Variants in ABCC11 observed in about 807,000 individuals in gnomAD.
ABCC11 encodes the protein ATP-binding cassette sub-family C member 11.
A neutral mutation model predicts 149.3 loss-of-function variants in ABCC11; 135 were observed. That is an observed-to-expected ratio of 0.90 (90% CI 0.79 to 1.04). The LOEUF (loss-of-function observed/expected upper bound fraction) is 1.04, where lower values mean the gene tolerates loss of function less well. ABCC11 is among the 50% of genes least tolerant of loss of function. ABCC11 has a pLI of 0.00. For missense variants in ABCC11, 1,680 were observed against 1,722.1 expected (o/e 0.98, Z 0.43); for synonymous variants, 665 against 671.4 (o/e 0.99, Z 0.15).
At chr16:48,168,157 G>A (rs1436891346) in intron 28 of ABCC11, among the ~76,000 whole-genome samples, 1 of 151,206 alleles carries the variant, frequency 6.6e-6, no homozygotes, top group Non-Finnish European at 1.5e-5. Flanking sequence ...CACTGCTTGG[G>A]ATGAGGCTGT....
intron 27 of ABCC11, 149 bp from the exon 28 acceptor site, chr16:48,170,367 T>G (rs1001174810): frequency 4.4e-6 from 3 of 675,532 alleles, no homozygotes. Context: ...AACTGCGCCT[T>G]GCTCACTCTC....
intron 1 of ABCC11, among the ~76,000 whole-genome samples, chr16:48,240,855 C>T (rs1360775697): frequency 6.6e-6 from 1 of 151,854 alleles, no homozygotes; most frequent in Non-Finnish European, 1.5e-5. Context: ...TGGCAGATAC[C>T]ACCTTCACCA....
chr16:48,195,500 T>C (rs1218019419), intron 18 of ABCC11, among the ~76,000 whole-genome samples: 1 of 152,188 alleles, frequency 6.6e-6, no homozygotes, highest in Non-Finnish European at 1.5e-5. Context: ...CAGCTTCCAA[T>C]GTAAACGATG....
chr16:48,174,422 G>T (rs1466842590), intron 26 of ABCC11, among the ~76,000 whole-genome samples: 1 of 152,196 alleles, frequency 6.6e-6, no homozygotes, highest in Non-Finnish European at 1.5e-5. Flanking sequence ...GGGGGACCTA[G>T]CCTGCTTTTT....
intron 11 of ABCC11, chr16:48,209,904 TAAG>T (rs896350887): frequency 9.9e-5 from 15 of 152,266 alleles, no homozygotes; most frequent in African/African-American, 3.6e-4. Flanking sequence ...AGAAGGCTCA[TAAG>T]AAGGCGAAAG....
In ABCC11 at chr16:48,210,941, AG is replaced by A; in HGVS notation, c.1608+6del. 1 of 1,613,348 alleles carries A rather than the reference AG, an allele frequency of 6.2e-7. No individual in the cohort carries two copies. The stretch of plus-strand genomic sequence containing the variant: ...CTGGCCTGCCTGCGTGGCCTGAACA[AG>A]GCTACCTTGGACACCACCAGGTTGA... On this transcript the variant is annotated splice_donor_region_variant and intron_variant, in intron 11 of 29. Coordinates refer to ENST00000356608, the MANE Select transcript of ABCC11 (RefSeq NM_001370497.1).
intron 12 of ABCC11, 134 bp from the exon 13 acceptor site, chr16:48,205,671 AATGTGGC>A: frequency 8.2e-7 from 1 of 1,218,394 alleles, no homozygotes; most frequent in South Asian, 1.6e-5. Context: ...AGGGACTTTT[AATGTGGC>A]CCTACCAGGC....
At chr16:48,171,464 G>A (rs994577715) in intron 26 of ABCC11, among the ~76,000 whole-genome samples, 1 of 152,154 alleles carries the variant, frequency 6.6e-6, no homozygotes, top group Non-Finnish European at 1.5e-5. Flanking sequence ...GGGGAAAACC[G>A]GGCCCTGGAA....
intron 13 of ABCC11, among the ~76,000 whole-genome samples, chr16:48,204,452 A>G (rs1345014917): frequency 1.3e-5 from 2 of 152,226 alleles, no homozygotes; most frequent in African/African-American, 4.8e-5. Context: ...TGTAGGAGAC[A>G]GGCTTATTCA....
Position 48,193,860 on chromosome 16 carries a change from T to A in ABCC11, c.2508+19A>T, listed in dbSNP as rs2150791579. ...CTCAAGCCCATAGAAACACAGCCCATCCACCTCATGGCACTCACCCCCGAG... is the reference window on the plus strand; with the variant it reads ...CTCAAGCCCATAGAAACACAGCCCAACCACCTCATGGCACTCACCCCCGAG... On this transcript the variant is annotated intron_variant, in intron 19 of 29. Transcript: ENST00000356608. 1 of 1,597,990 alleles carries A rather than the reference T, an allele frequency of 6.3e-7. No individual in the cohort carries two copies. Among genetic ancestry groups the A allele is most frequent in the East Asian group, 2.2e-5 (1 of 44,778 alleles).
intron 1 of ABCC11, among the ~76,000 whole-genome samples, chr16:48,235,676 C>T (rs141719014): frequency 5.3e-5 from 8 of 152,250 alleles, no homozygotes; most frequent in African/African-American, 1.4e-4. Flanking sequence ...ATTCTCTTTC[C>T]GGAAGAAAAT....
chr16:48,227,351 G>A (rs1427575245), intron 4 of ABCC11, among the ~76,000 whole-genome samples: 1 of 151,840 alleles, frequency 6.6e-6, no homozygotes, highest in Non-Finnish European at 1.5e-5. Flanking sequence ...GCAAGCGCCT[G>A]TAATTCCAGC....
chr16:48,207,923 C>T (rs1968583344), intron 12 of ABCC11, among the ~76,000 whole-genome samples: 1 of 152,114 alleles, frequency 6.6e-6, no homozygotes, highest in South Asian at 2.1e-4. Context: ...CCCCAGCCTT[C>T]CTTCCTTCTT....
At chr16:48,194,115 G>A (rs1371368671) in intron 18 of ABCC11, 133 bp from the exon 19 acceptor site, 4 of 602,812 alleles carry the variant, frequency 6.6e-6, no homozygotes, top group Non-Finnish European at 8.8e-6. Context: ...ACACCTTGGA[G>A]GAATGGGAAG....
In ABCC11 at chr16:48,213,673, G is replaced by T. The variant is rs948325819; in HGVS notation, c.1249-123C>A. 1.7e-5 allele frequency: 12 copies of T among 686,584 alleles called. No individual in the cohort carries two copies. The African/African-American group carries it at 2.2e-4, about 13-fold the overall frequency. The allele number at this position is 686,584 out of a possible 1,614,324, so 42.5% of individuals were successfully genotyped here. ...CAAGCAGTTGCTTCATCCAACAGAG[G>T]CTAAGCTAGTGTTTGGAGGAGACTG... is the stretch of plus-strand genomic sequence containing the variant. On this transcript the variant is annotated intron_variant, in intron 9 of 29. Transcript: ENST00000356608.
chr16:48,169,930 A>T (rs1216688202), intron 28 of ABCC11, among the ~76,000 whole-genome samples, 175 bp downstream of exon 28: 1 of 151,882 alleles, frequency 6.6e-6, no homozygotes, highest in Non-Finnish European at 1.5e-5. Flanking sequence ...AAAAAAAGGA[A>T]ATGAATAAGC....
Position 48,178,647 on chromosome 16 carries a change from C to G in ABCC11, c.3298G>C (p.Glu1100Gln), listed in dbSNP as rs1596673431. 6.2e-7 allele frequency: 1 copy of G among 1,614,162 alleles called. No individual in the cohort carries two copies. The highest frequency in any genetic ancestry group is 2.2e-5 in the East Asian group (1 of 44,874). The change falls in exon 24 of 30, where the codon GAG becomes CAG. Residue 1100 changes from glutamate to glutamine, a missense_variant. Transcript: ENST00000356608. ...ACAGCCGTGAACTGTGCCTCTGTCT[C>G]CAAGCCAATCCGGGCAGTGGCCTGG... ...SFQATARIGL[E>Q]TEAQFTAVER...
Position 48,233,767 on chromosome 16 carries a change from C to T in ABCC11, c.-18-1828G>A, listed in dbSNP as rs73546460. On this transcript the variant is annotated intron_variant, in intron 1 of 29. Transcript: ENST00000356608. Reference sequence around the variant, plus strand: ...CAAAGGGCTGCCTCAGTGCTGTGCTCATAAACGTTTATATCTGTAACAAAC... The same window carrying T: ...CAAAGGGCTGCCTCAGTGCTGTGCTTATAAACGTTTATATCTGTAACAAAC... 2.0e-3 allele frequency among the ~76,000 whole-genome samples: 304 copies of T among 152,278 alleles called. 1 individual carries two copies. The highest frequency in any genetic ancestry group is 6.9e-3 in the African/African-American group (288 of 41,544).
At chr16:48,238,655 A>T (rs770267090) in intron 1 of ABCC11, among the ~76,000 whole-genome samples, 4 of 152,140 alleles carry the variant, frequency 2.6e-5, no homozygotes, top group Non-Finnish European at 4.4e-5. Context: ...CATAAAAACT[A>T]GGCCGGGCGC....
Sources: gnomAD v4.1 joint callset for allele counts (sites outside exome capture counted in the v4.1 genomes callset) on GRCh38, gnomAD v4.1.1 for gene constraint, MANE v1.5 for transcripts, NCBI Gene and HGNC (gene_info 2026-07-23, HGNC 2026-07-21) for gene names.